The following SNX13 variants were observed in gnomAD, a reference collection of about 807,000 sequenced individuals.
SNX13 encodes the protein sorting nexin 13, also known as sorting nexin-13.
In SNX13, 45 loss-of-function variants were observed where a neutral mutation model predicts 133.6. The ratio of observed to expected loss-of-function variants is 0.34; its 90% CI spans 0.27 to 0.43. SNX13 has a LOEUF of 0.43. SNX13 is among the 20% of genes least tolerant of loss of function. SNX13 has a pLI of 1.00. For synonymous variants in SNX13, 414 were observed against 373.9 expected (o/e 1.11, Z -1.24); for missense variants, 1,032 against 1,145.1 (o/e 0.90, Z 1.43).
chr7:17,821,547 T>C lies in SNX13; in HGVS notation c.1807A>G (p.Ser603Gly), dbSNP rs773819413. 3.1e-6 allele frequency: 5 copies of C among 1,613,506 alleles called. No individual in the cohort carries two copies. The highest frequency in any genetic ancestry group is 1.3e-5 in the African/African-American group (1 of 74,918). The change falls in exon 18 of 26, where the codon AGT becomes GGT. Residue 603 changes from serine (S) to glycine (G), a missense_variant. Ser to Gly is a moderately conservative substitution (Grantham distance 56). Coordinates refer to ENST00000428135, the MANE Select transcript of SNX13 (RefSeq NM_015132.5). ...EEMWKTYRRY[S>G]DFHDFHMRIT... ...CTCATGTGGAAGTCATGGAAGTCACTATAACGACGATAGGTTTTCCACATC... is the reference window on the plus strand; with the variant it reads ...CTCATGTGGAAGTCATGGAAGTCACCATAACGACGATAGGTTTTCCACATC...
At chr7:17,846,043 C>G (rs1382482694) in intron 11 of SNX13, among the ~76,000 whole-genome samples, 1 of 151,896 alleles carries the variant, frequency 6.6e-6, no homozygotes, top group South Asian at 2.1e-4. Context: ...TTAATATACG[C>G]AAGAATTTTA....
Position 17,911,237 on chromosome 7 carries a change from CA to C in SNX13, c.13-13792del, listed in dbSNP as rs373088100. On this transcript the variant is annotated intron_variant, in intron 1 of 25. Transcript: ENST00000428135. The stretch of plus-strand genomic sequence containing the variant: ...TCCCTCTCATTAACTGTATCTGTAG[CA>C]CTGAATTTATAAAGAATTGTATCAT... 1.2e-4 allele frequency among the ~76,000 whole-genome samples: 18 copies of C among 152,240 alleles called. No homozygotes were observed. The East Asian group carries it at 3.5e-3, about 29-fold the overall frequency.
intron 1 of SNX13, among the ~76,000 whole-genome samples, chr7:17,930,678 G>A (rs1801295347): frequency 6.6e-6 from 1 of 152,130 alleles, no homozygotes; most frequent in Admixed American, 6.6e-5. Flanking sequence ...TTCTTTTCCT[G>A]TAACTTTGTG....
chr7:17,830,632 C>G, intron 15 of SNX13: 2 of 983,580 alleles, frequency 2.0e-6, no homozygotes, highest in Middle Eastern at 5.2e-4. Flanking sequence ...CATTAAAAAG[C>G]AACTAGGACA....
intron 1 of SNX13, chr7:17,899,601 C>T (rs1252042028): frequency 6.6e-6 from 1 of 151,684 alleles, no homozygotes; most frequent in African/African-American, 2.4e-5. Flanking sequence ...CTGATGCATT[C>T]GTCAGTAGGT....
intron 21 of SNX13, 53 bp from the exon 22 acceptor site, chr7:17,801,712 G>T (rs1313273352): frequency 7.5e-7 from 1 of 1,331,264 alleles, no homozygotes; most frequent in Non-Finnish European, 1.1e-6. Context: ...GACAGTGAAA[G>T]AACACAACAC....
intron 1 of SNX13, among the ~76,000 whole-genome samples, chr7:17,909,180 G>C (rs1045044640): frequency 6.6e-6 from 1 of 152,016 alleles, no homozygotes; most frequent in East Asian, 1.9e-4. Flanking sequence ...TCAGAATGCC[G>C]ATTATTAAAA....
intron 5 of SNX13, 43 bp downstream of exon 5, chr7:17,890,320 T>A: frequency 1.9e-6 from 3 of 1,588,008 alleles, no homozygotes; most frequent in Non-Finnish European, 1.7e-6. Context: ...GTACAAACCA[T>A]ACATCTAAAT....
At chr7:17,881,412 A>G (rs1338817757) in intron 5 of SNX13, 1 of 152,172 alleles carries the variant, frequency 6.6e-6, no homozygotes, top group East Asian at 1.9e-4. Context: ...ATAATAACCA[A>G]TCACATAAAA....
In SNX13 at chr7:17,940,446, C is replaced by T; in HGVS notation, c.-151G>A. On this transcript the variant is annotated 5_prime_UTR_variant, in exon 1 of 26. Transcript: ENST00000428135. Reference sequence around the variant, plus strand: ...CGGTTTTACTCGGCTTCGCTGGCCTCCCCTCGGCCCGGTCGCTCGCGACGG... The same window carrying T: ...CGGTTTTACTCGGCTTCGCTGGCCTTCCCTCGGCCCGGTCGCTCGCGACGG... The T allele has an allele frequency of 1.2e-6, 1 of 847,350 alleles. No homozygotes were observed. The highest frequency in any genetic ancestry group is 1.9e-6 in the Non-Finnish European group (1 of 515,674). 52.5% of individuals were successfully genotyped at this position (847,350 alleles called of 1,614,324 possible).
In SNX13 at chr7:17,868,423, T is replaced by C. The variant is rs767041945; in HGVS notation, c.821A>G (p.Gln274Arg). 4 of 1,606,948 alleles carry C rather than the reference T, an allele frequency of 2.5e-6. No individual in the cohort carries two copies. The highest frequency in any genetic ancestry group is 1.7e-5 in the Admixed American group (1 of 59,084). Residue 274 changes from glutamine (Q) to arginine (R), a missense_variant, in exon 9 of 26, where the codon CAG becomes CGG. Coordinates refer to ENST00000428135, the MANE Select transcript of SNX13 (RefSeq NM_015132.5). ...GGCACCTACCATCCATATGACATAC[T>C]GATTAATATAATCAGGATCACTGAG... ...NQLSDPDYIN[Q>R]YVIWMIRDSN...
At chr7:17,794,471 C>T (rs1783839854) in intron 25 of SNX13, 179 bp from the exon 26 acceptor site, 4 of 692,902 alleles carry the variant, frequency 5.8e-6, no homozygotes, top group Non-Finnish European at 9.3e-6. Flanking sequence ...ATGCATGCAT[C>T]TATTTACGCA....
intron 4 of SNX13, among the ~76,000 whole-genome samples, chr7:17,890,756 A>T (rs1169977269): frequency 6.6e-6 from 1 of 151,948 alleles, no homozygotes. Context: ...GTCCCACATA[A>T]ATCCAGGTAA....
chr7:17,897,484 ATT>A (rs1361066974), intron 1 of SNX13, 38 bp from the exon 2 acceptor site: 2 of 1,165,742 alleles, frequency 1.7e-6, no homozygotes, highest in Non-Finnish European at 2.4e-6. Flanking sequence ...TTAGTAAATA[ATT>A]CTCCACATGA....
At chr7:17,874,705 T>A (rs936990981) in intron 7 of SNX13, among the ~76,000 whole-genome samples, 3 of 152,242 alleles carry the variant, frequency 2.0e-5, no homozygotes, top group Admixed American at 6.5e-5. Context: ...TATAATTGCA[T>A]AAGTGATCCT....
At chr7:17,892,228 TTC>T in intron 3 of SNX13, among the ~76,000 whole-genome samples, 1 of 152,128 alleles carries the variant, frequency 6.6e-6, no homozygotes, top group East Asian at 1.9e-4. Flanking sequence ...AAATACATGC[TTC>T]AAAGTTATAA....
chr7:17,830,095 G>A (rs1216369776), intron 15 of SNX13, 48 bp from the exon 16 acceptor site: 15 of 1,423,180 alleles, frequency 1.1e-5, no homozygotes, highest in Admixed American at 6.9e-5. Flanking sequence ...ACTTTAAAAC[G>A]GTTGCTTTAT....
chr7:17,792,309 T>C lies in SNX13; in HGVS notation c.*1736A>G, dbSNP rs1009166906. ...CACCCTGAGAAGAAGAAATACTATTTCTTCCACCAGAGCCACTAAGGATCT... is the reference window on the plus strand; with the variant it reads ...CACCCTGAGAAGAAGAAATACTATTCCTTCCACCAGAGCCACTAAGGATCT... On this transcript the variant is annotated 3_prime_UTR_variant, in exon 26 of 26. Coordinates refer to ENST00000428135, the MANE Select transcript of SNX13 (RefSeq NM_015132.5). 1.3e-5 allele frequency: 2 copies of C among 151,954 alleles called. No individual in the cohort carries two copies. Among genetic ancestry groups the C allele is most frequent in the African/African-American group, 4.8e-5 (2 of 41,420 alleles). The allele number at this position is 151,954 out of a possible 1,614,324, so 9.4% of individuals were successfully genotyped here.
At chr7:17,848,846 G>A (rs950432775) in intron 11 of SNX13, among the ~76,000 whole-genome samples, 8 of 152,206 alleles carry the variant, frequency 5.3e-5, no homozygotes, top group South Asian at 2.1e-4. Context: ...CAAGTCCTGC[G>A]AAGGGGTCAG....
Sources: allele counts gnomAD v4.1 joint callset (sites outside exome capture counted in the v4.1 genomes callset), GRCh38; gene constraint gnomAD v4.1.1; transcripts MANE v1.5; gene names NCBI Gene and HGNC (gene_info 2026-07-23, HGNC 2026-07-21).